SMC6: variants seen among roughly 807,000 people sequenced by gnomAD.
The protein encoded by SMC6 is structural maintenance of chromosomes 6, also known as structural maintenance of chromosomes protein 6.
SMC6 carries 79 observed loss-of-function variants against 142.2 expected under a neutral mutation model. The observed-to-expected ratio is 0.56, with a 90% CI of 0.46 to 0.67. The LOEUF (loss-of-function observed/expected upper bound fraction) is 0.67, where lower values mean the gene tolerates loss of function less well. Ranked by LOEUF, SMC6 falls within the 30% of genes least tolerant of loss-of-function variation. The pLI is 0.00. For synonymous variants in SMC6, 411 were observed against 412.4 expected, an observed-to-expected ratio of 1.00 and a Z score of 0.04; for missense variants, 1,072 against 1,284.0, an observed-to-expected ratio of 0.83 and a Z score of 2.52.
chr2:17,722,534 T>G (rs1374531722), intron 9 of SMC6, among the ~76,000 whole-genome samples: 1 of 152,134 alleles, frequency 6.6e-6, no homozygotes, highest in African/African-American at 2.4e-5. Context: ...CTATCCAGGT[T>G]TCATGAAAAT....
At chr2:17,751,667 G>A (rs1671047148) in intron 2 of SMC6, among the ~76,000 whole-genome samples, 1 of 152,140 alleles carries the variant, frequency 6.6e-6, no homozygotes, top group Admixed American at 6.5e-5. Context: ...GAGAAAAGAT[G>A]TTAACTTGTT....
chr2:17,712,253 G>A (rs1379908016), intron 16 of SMC6, among the ~76,000 whole-genome samples: 1 of 152,190 alleles, frequency 6.6e-6, no homozygotes, highest in Non-Finnish European at 1.5e-5. Flanking sequence ...GTCTCCCCTA[G>A]GAGAGGTGTA....
At position 17,705,800 on chromosome 2, in the gene SMC6, T is replaced by A. The variant is rs530010427; in HGVS notation, c.2006+1419A>T. Among the ~76,000 whole-genome samples, 8 of 152,326 alleles carry A rather than the reference T, an allele frequency of 5.3e-5. No homozygotes were observed. The East Asian group carries it at 1.5e-3, about 29-fold the overall frequency. ...TTTCATACAGTGTTCCTCCTTAGTT[T>A]TTTTTACTGAGTTTTTACATAGAGA... On this transcript the variant is annotated intron_variant, in intron 18 of 27. Transcript: ENST00000448223.
At chr2:17,748,299 CA>C (rs1166179174) in intron 2 of SMC6, among the ~76,000 whole-genome samples, 1 of 152,184 alleles carries the variant, frequency 6.6e-6, no homozygotes, top group Non-Finnish European at 1.5e-5. Context: ...AGGTGATTCA[CA>C]TGCACATTAG....
At chr2:17,691,611 C>A (rs1667731195) in intron 23 of SMC6, among the ~76,000 whole-genome samples, 1 of 151,888 alleles carries the variant, frequency 6.6e-6, no homozygotes, top group African/African-American at 2.4e-5. Flanking sequence ...CAATATCATA[C>A]TGAATGGGCA....
At chr2:17,735,236 T>C (rs1572349633) in intron 5 of SMC6, among the ~76,000 whole-genome samples, 1 of 152,118 alleles carries the variant, frequency 6.6e-6, no homozygotes, top group Non-Finnish European at 1.5e-5. Context: ...TCAACAGCCA[T>C]AGAGCCCAAT....
In SMC6 at chr2:17,701,027, G is replaced by A. The variant is rs538769240; in HGVS notation, c.2224-649C>T. ...GCCTGGGCAACAAGAGTGATACTCCGTCTCAAAATAATAATAATAATAATA... is the reference window on the plus strand; with the variant it reads ...GCCTGGGCAACAAGAGTGATACTCCATCTCAAAATAATAATAATAATAATA... On this transcript the variant is annotated intron_variant, in intron 20 of 27. Transcript: ENST00000448223. Among the ~76,000 whole-genome samples the A allele has an allele frequency of 7.7e-3, 745 of 96,466 alleles. 4 individuals are homozygous for A. The highest frequency in any genetic ancestry group is 0.03 in the African/African-American group (692 of 23,110). The allele number at this position is 96,466 out of a possible 152,430, so 63.3% of individuals were successfully genotyped here.
At chr2:17,701,419 G>GA (rs200168578) in intron 20 of SMC6, among the ~76,000 whole-genome samples, 196 of 151,170 alleles carry the variant, frequency 1.3e-3, no homozygotes, top group African/African-American at 4.5e-3. Flanking sequence ...TTGAAAAAAA[G>GA]AAAAAAAACA....
rs555129900 is a variant in SMC6 at position 17,751,215 on chromosome 2, C to T, written c.-6+1763G>A. Among the ~76,000 whole-genome samples, 25 of 151,918 alleles carry T rather than the reference C, an allele frequency of 1.6e-4. 1 individual carries two copies. In the East Asian group the frequency reaches 4.5e-3, roughly 27 times the overall value. On this transcript the variant is annotated intron_variant, in intron 2 of 27. Coordinates refer to ENST00000448223, the MANE Select transcript of SMC6 (RefSeq NM_001142286.2). ...TGAGTTTGGGCTGGGCTCAGTAGCTCACGCCTTGTCATCCCAGCACTTTGG... is the reference window on the plus strand; with the variant it reads ...TGAGTTTGGGCTGGGCTCAGTAGCTTACGCCTTGTCATCCCAGCACTTTGG...
At position 17,665,373 on chromosome 2, in the gene SMC6, G is replaced by T; in HGVS notation, c.*126C>A. The T allele has an allele frequency of 2.3e-6, 1 of 440,862 alleles. No individual in the cohort carries two copies. The allele number at this position is 440,862 out of a possible 1,614,324, so 27.3% of individuals were successfully genotyped here. Reference sequence around the variant, plus strand: ...TTATTTATATGTTTGATTGTGGTTGGATATATAAAGGAGTTTCTTTCATTT... The same window carrying T: ...TTATTTATATGTTTGATTGTGGTTGTATATATAAAGGAGTTTCTTTCATTT... On this transcript the variant is annotated 3_prime_UTR_variant, in exon 28 of 28. Transcript: ENST00000448223.
chr2:17,740,252 C>T (rs1367172395), intron 4 of SMC6, among the ~76,000 whole-genome samples: 2 of 152,188 alleles, frequency 1.3e-5, no homozygotes, highest in Non-Finnish European at 2.9e-5. Context: ...ATCCCCTTGT[C>T]CATCTGTTTC....
intron 22 of SMC6, 152 bp from the exon 23 acceptor site, chr2:17,695,449 C>CT (rs1316177799): frequency 1.6e-6 from 1 of 643,170 alleles, no homozygotes; most frequent in African/African-American, 1.9e-5. Flanking sequence ...TTATATTTAT[C>CT]TAAGTTTTAT....
intron 4 of SMC6, chr2:17,740,620 C>T (rs1344442395): frequency 1.2e-5 from 4 of 339,662 alleles, no homozygotes; most frequent in South Asian, 2.1e-5. Context: ...TCTGCGAAGC[C>T]GAGGTGGGCG....
chr2:17,724,949 C>T (rs1304074024), intron 9 of SMC6, among the ~76,000 whole-genome samples: 8 of 152,228 alleles, frequency 5.3e-5, no homozygotes, highest in African/African-American at 1.9e-4. Flanking sequence ...ACTTAAACTA[C>T]CATACCTTAT....
intron 17 of SMC6, 107 bp from the exon 18 acceptor site, chr2:17,707,486 ATTC>A (rs1450508740): frequency 1.7e-5 from 10 of 603,312 alleles, no homozygotes; most frequent in Middle Eastern, 9.7e-4. Context: ...TGATTCAAGT[ATTC>A]TTTTTAAAAC....
chr2:17,691,716 G>A (rs878859794), intron 23 of SMC6, among the ~76,000 whole-genome samples: 2 of 152,008 alleles, frequency 1.3e-5, no homozygotes, highest in African/African-American at 4.8e-5. Flanking sequence ...TCTGGCCAGG[G>A]CAATCAGGCA....
intron 22 of SMC6, among the ~76,000 whole-genome samples, chr2:17,695,513 G>A (rs1157261906): frequency 6.6e-6 from 1 of 151,926 alleles, no homozygotes; most frequent in Non-Finnish European, 1.5e-5. Flanking sequence ...ATTGCTGTGT[G>A]TAACTAATAA....
At chr2:17,683,589 A>G in intron 24 of SMC6, 49 bp downstream of exon 24, 1 of 1,487,170 alleles carries the variant, frequency 6.7e-7, no homozygotes, top group Middle Eastern at 2.2e-4. Flanking sequence ...ATGAAAACAG[A>G]GAAACACAAA....
intron 23 of SMC6, among the ~76,000 whole-genome samples, chr2:17,693,341 T>C (rs546732559): frequency 2.0e-5 from 3 of 152,246 alleles, no homozygotes; most frequent in South Asian, 2.1e-4. Flanking sequence ...GTGGCACACA[T>C]ACACCATGGA....
Sources: gnomAD v4.1 joint callset for allele counts (sites outside exome capture counted in the v4.1 genomes callset) on GRCh38, gnomAD v4.1.1 for gene constraint, MANE v1.5 for transcripts, NCBI Gene and HGNC (gene_info 2026-07-23, HGNC 2026-07-21) for gene names.